TIAM1: variants seen among roughly 807,000 people sequenced by gnomAD.
The protein encoded by TIAM1 is rho guanine nucleotide exchange factor TIAM1.
Under a neutral mutation model 163.5 loss-of-function variants are expected in TIAM1, and 65 were observed. The ratio of observed to expected loss-of-function variants is 0.40; its 90% CI spans 0.33 to 0.49. The LOEUF is 0.49. TIAM1 is among the 20% of genes least tolerant of loss of function. TIAM1 has a pLI of 0.77. For missense variants in TIAM1, 1,789 were observed against 2,044.7 expected (o/e 0.87, Z 2.41); for synonymous variants, 833 against 810.1 (o/e 1.03, Z -0.48).
intron 1 of TIAM1, among the ~76,000 whole-genome samples, chr21:31,542,099 G>T (rs1158263431): frequency 6.6e-6 from 1 of 152,124 alleles, no homozygotes. Flanking sequence ...CTCCTCCCAT[G>T]AAGATCTCCT....
At position 31,130,904 on chromosome 21, in the gene TIAM1, G is replaced by A; in HGVS notation, c.3928C>T (p.Gln1310Ter). ...VVLVYKDGSK[Q>*]KKKLVGSHRL... Reference sequence around the variant, plus strand: ...AGATGTCTTACAAGTTTCTTCTTCTGTTTGGAACCATCTTTATACACAAGG... The same window carrying A: ...AGATGTCTTACAAGTTTCTTCTTCTATTTGGAACCATCTTTATACACAAGG... Residue 1310 changes from glutamine (Q) to a stop codon, truncating the protein, a stop_gained, in exon 24 of 28, where the codon CAG (glutamine) becomes TAG (stop). Coordinates refer to ENST00000541036, the MANE Select transcript of TIAM1 (RefSeq NM_001353694.2). LOFTEE classifies it high-confidence loss of function. The A allele has an allele frequency of 6.2e-7, 1 of 1,614,010 alleles. No individual in the cohort carries two copies. Among genetic ancestry groups the A allele is most frequent in the Non-Finnish European group, 8.5e-7 (1 of 1,179,944 alleles).
At chr21:31,130,116 G>T in intron 25 of TIAM1, 97 bp downstream of exon 25, 2 of 914,562 alleles carry the variant, frequency 2.2e-6, no homozygotes, top group Middle Eastern at 2.4e-4. Flanking sequence ...AAAAAAAGAC[G>T]GTAGAAGAGT....
rs553802197 is a variant in TIAM1, at chr21:31,137,690, C to T, written c.3775-1649G>A. Among the ~76,000 whole-genome samples the T allele has an allele frequency of 5.3e-5, 8 of 151,682 alleles. No homozygotes were observed. In the East Asian group the frequency reaches 1.4e-3, roughly 26 times the overall value. ...ACTAGACTAGGCAGGGTACACACAT[C>T]GCCGCCCGGATGACTTTGGGTGTAG... On this transcript the variant is annotated intron_variant, in intron 22 of 27. Transcript: ENST00000541036.
At chr21:31,358,571 G>A (rs1468844562) in intron 2 of TIAM1, among the ~76,000 whole-genome samples, 1 of 152,002 alleles carries the variant, frequency 6.6e-6, no homozygotes, top group East Asian at 1.9e-4. Context: ...CAACTATTCA[G>A]ACCAAAATAC....
chr21:31,330,916 T>C (rs1370423650), intron 2 of TIAM1, among the ~76,000 whole-genome samples: 1 of 151,628 alleles, frequency 6.6e-6, no homozygotes, highest in African/African-American at 2.4e-5. Context: ...TGATTTTTTT[T>C]CAAGCACTTC....
In TIAM1 at chr21:31,251,799, T is replaced by C. The variant is rs765204649; in HGVS notation, c.1354A>G (p.Lys452Glu). 3 of 1,612,012 alleles carry C rather than the reference T, an allele frequency of 1.9e-6. No individual in the cohort carries two copies. The highest frequency in any genetic ancestry group is 1.7e-6 in the Non-Finnish European group (2 of 1,178,520). Reference sequence around the variant, plus strand: ...CTCCGGGTGGCTGACTCCACCTTCTTGTTCTTCTTGTGCACCAGGAAGTTC... The same window carrying C: ...CTCCGGGTGGCTGACTCCACCTTCTCGTTCTTCTTGTGCACCAGGAAGTTC... ...VKNFLVHKKNKKVESATRRKW... is the reference protein window; with the variant it reads ...VKNFLVHKKNEKVESATRRKW... The change falls in exon 5 of 28, where the codon AAG becomes GAG. Residue 452 changes from lysine to glutamate, a missense_variant. Around this residue, in one of 5 missense-constraint regions of TIAM1, gnomAD observed 456 missense variants for 586.6 expected, o/e 0.78. Coordinates refer to ENST00000541036, the MANE Select transcript of TIAM1 (RefSeq NM_001353694.2).
intron 2 of TIAM1, among the ~76,000 whole-genome samples, chr21:31,363,997 A>C (rs1481178043): frequency 6.6e-6 from 1 of 152,240 alleles, no homozygotes; most frequent in Non-Finnish European, 1.5e-5. Flanking sequence ...GGAAAAGTGC[A>C]GAGCAAAACA....
chr21:31,537,424 C>A, intron 1 of TIAM1, among the ~76,000 whole-genome samples: 1 of 144,856 alleles, frequency 6.9e-6, no homozygotes, highest in African/African-American at 2.6e-5. Context: ...TTATATAAAC[C>A]AATACTGCAA....
chr21:31,196,133 C>T (rs925832713), intron 12 of TIAM1, among the ~76,000 whole-genome samples: 2 of 152,012 alleles, frequency 1.3e-5, no homozygotes, highest in African/African-American at 4.8e-5. Context: ...CAAGATAAGA[C>T]ATATATGTGG....
chr21:31,341,736 T>C lies in TIAM1; in HGVS notation c.-368-2314A>G, dbSNP rs114125962. ...TGTCAAACATACAAAGACAAATACA[T>C]GGTGTCCTCCTACTTGCAGCTAACG... is the stretch of plus-strand genomic sequence containing the variant. On this transcript the variant is annotated intron_variant, in intron 1 of 27. Coordinates refer to ENST00000541036, the MANE Select transcript of TIAM1 (RefSeq NM_001353694.2). Among the ~76,000 whole-genome samples, 757 of 152,320 alleles carry C rather than the reference T, an allele frequency of 5.0e-3. 6 individuals are homozygous for C. The highest frequency in any genetic ancestry group is 0.017 in the African/African-American group (709 of 41,574).
intron 1 of TIAM1, among the ~76,000 whole-genome samples, chr21:31,525,231 T>G (rs1390923214): frequency 6.6e-6 from 1 of 151,890 alleles, no homozygotes; most frequent in Non-Finnish European, 1.5e-5. Flanking sequence ...TAGCCAGGCA[T>G]GGTGGCGCAC....
chr21:31,243,056 G>C (rs2071282927), intron 6 of TIAM1, among the ~76,000 whole-genome samples: 1 of 150,000 alleles, frequency 6.7e-6, no homozygotes, highest in Non-Finnish European at 1.5e-5. Flanking sequence ...GCTGGGCTTG[G>C]TGGCACATGC....
intron 2 of TIAM1, among the ~76,000 whole-genome samples, chr21:31,400,282 A>G (rs773198419): frequency 2.3e-4 from 35 of 151,870 alleles, no homozygotes; most frequent in Non-Finnish European, 5.0e-4. Flanking sequence ...ACCCACCACC[A>G]CACCCGGCAA....
intron 2 of TIAM1, among the ~76,000 whole-genome samples, chr21:31,408,912 C>G (rs1371584205): frequency 6.6e-6 from 1 of 152,136 alleles, no homozygotes; most frequent in Non-Finnish European, 1.5e-5. Flanking sequence ...GTTTACAAAG[C>G]TTCCAGGTGG....
intron 16 of TIAM1, chr21:31,160,586 G>A (rs186512785): frequency 7.3e-5 from 29 of 398,574 alleles, no homozygotes; most frequent in African/African-American, 4.9e-4. Flanking sequence ...TGTTCAGCAC[G>A]GAGACAGAAG....
intron 2 of TIAM1, among the ~76,000 whole-genome samples, chr21:31,370,869 T>G (rs753171061): frequency 6.6e-6 from 1 of 152,182 alleles, no homozygotes; most frequent in Non-Finnish European, 1.5e-5. Context: ...CTGGCAGCAG[T>G]AGGCTATAGC....
At chr21:31,350,208 T>C (rs1602068860) in intron 2 of TIAM1, among the ~76,000 whole-genome samples, 1 of 152,146 alleles carries the variant, frequency 6.6e-6, no homozygotes. Flanking sequence ...CAGGCCACCC[T>C]TGTGAGGGTG....
At chr21:31,462,127 T>C (rs1251648753) in intron 2 of TIAM1, among the ~76,000 whole-genome samples, 1 of 152,048 alleles carries the variant, frequency 6.6e-6, no homozygotes, top group Non-Finnish European at 1.5e-5. Flanking sequence ...ATCAGCAAAC[T>C]TTTTTTTAAA....
chr21:31,559,000 G>A (rs1569434252), upstream of TIAM1: 2 of 151,706 alleles, frequency 1.3e-5, no homozygotes, highest in East Asian at 3.9e-4. Flanking sequence ...GGGGCTGCGG[G>A]CGCCAAGGCG....
Sources: gnomAD v4.1 joint callset for allele counts (sites outside exome capture counted in the v4.1 genomes callset) on GRCh38, gnomAD v4.1.1 for gene constraint, gnomAD v4.1.1 regional missense constraint, MANE v1.5 for transcripts, NCBI Gene and HGNC (gene_info 2026-07-23, HGNC 2026-07-21) for gene names.